Variants in RECQL4 observed in about 807,000 individuals in gnomAD.
RECQL4 encodes the protein ATP-dependent DNA helicase Q4.
Under a neutral mutation model 128.6 loss-of-function variants are expected in RECQL4, and 158 were observed. The observed-to-expected ratio is 1.23, with a 90% CI of 1.08 to 1.40. The LOEUF is 1.40. RECQL4 is among the 40% of genes most tolerant of loss of function. The pLI, the probability that RECQL4 is intolerant of heterozygous loss-of-function variation, is 0.00. For synonymous variants in RECQL4, 996 were observed against 678.9 expected (o/e 1.47, Z -7.26); for missense variants, 2,293 against 1,649.8 (o/e 1.39, Z -6.75).
rs1827182243 is a variant in RECQL4, at chr8:144,511,494, C to T, written c.3564G>A (p.Leu1188=). The stretch of plus-strand genomic sequence containing the variant: ...CCACCAGGGCATGGAAGCTCAGGTG[C>T]AGGTATTTTCTCCAGAAGCGTCGGT... ...GQDRRFWRKY[L]HLSFHALVGL... is the part of the protein sequence containing the mutation. The change falls in exon 21 of 21, where the codon CTG becomes CTA. Residue 1188 remains leucine, a synonymous_variant. Transcript: ENST00000617875. The T allele has an allele frequency of 1.2e-6, 2 of 1,612,602 alleles. No individual in the cohort carries two copies.
At chr8:144,513,758 C>A in intron 12 of RECQL4, 46 bp from the exon 13 acceptor site, 1 of 1,268,068 alleles carries the variant, frequency 7.9e-7, no homozygotes, top group South Asian at 1.5e-5. Context: ...GAGGAGGGGT[C>A]GGCGTGTGCA....
rs759011490 is a variant in RECQL4, at chr8:144,517,513, G to T, written c.119-5C>A. 1.2e-5 allele frequency: 19 copies of T among 1,585,232 alleles called. No individual in the cohort carries two copies. The highest frequency in any genetic ancestry group is 1.5e-5 in the Non-Finnish European group (17 of 1,171,956). On this transcript the variant is annotated splice_region_variant and splice_polypyrimidine_tract_variant and intron_variant, in intron 2 of 20. Transcript: ENST00000617875. ...TGCGGTATTCCCGGTAGAGCGCTGCGTGGGCGAGCGGGAGGCGGGGTCAGG... is the reference window on the plus strand; with the variant it reads ...TGCGGTATTCCCGGTAGAGCGCTGCTTGGGCGAGCGGGAGGCGGGGTCAGG...
rs2130745290 is a variant in RECQL4, at chr8:144,517,712, G to A, written c.73C>T (p.Arg25Ter). Residue 25 changes from arginine to a stop codon, truncating the protein, a stop_gained, in exon 1 of 21, where the codon CGA becomes TGA. Coordinates refer to ENST00000617875, the MANE Select transcript of RECQL4 (RefSeq NM_004260.4). LOFTEE classifies it high-confidence loss of function. Reference protein sequence around the residue: ...ERAFRRQRGRRPSQDDVEAAP... With the variant: ...ERAFRRQRGR ...TGGGCAGCCCGCACCTGGCTCGGTC[G>A]CCGCCCGCGCTGCCGTCGGAACGCG... 7.3e-7 allele frequency: 1 copy of A among 1,363,034 alleles called. No individual in the cohort carries two copies. The highest frequency in any genetic ancestry group is 9.5e-7 in the Non-Finnish European group (1 of 1,057,878). The allele number at this position is 1,363,034 out of a possible 1,614,324, so 84.4% of individuals were successfully genotyped here. A position where few individuals can be genotyped will look rare whatever the true frequency, so the allele number is the denominator to read the frequency against.
Position 144,516,485 on chromosome 8 carries a change from G to C in RECQL4, c.634C>G (p.Leu212Val), listed in dbSNP as rs377012693. 8.1e-6 allele frequency: 13 copies of C among 1,608,920 alleles called. No homozygotes were observed. The highest frequency in any genetic ancestry group is 1.0e-5 in the Non-Finnish European group (12 of 1,179,748). The change falls in exon 5 of 21, where the codon CTA (leucine) becomes GTA (valine). Residue 212 changes from leucine (L) to valine (V), a missense_variant. Coordinates refer to ENST00000617875, the MANE Select transcript of RECQL4 (RefSeq NM_004260.4). ...AGAAGTTGTGATTCCTCTGAGCCTAGATCAGGCCTGCAGGCTTTGGGGGCC... is the reference window on the plus strand; with the variant it reads ...AGAAGTTGTGATTCCTCTGAGCCTACATCAGGCCTGCAGGCTTTGGGGGCC... ...LGAPKACRPD[L>V]GSEESQLLIP...
intron 11 of RECQL4, 34 bp downstream of exon 11, chr8:144,514,155 C>T: frequency 6.2e-7 from 1 of 1,611,556 alleles, no homozygotes; most frequent in Non-Finnish European, 8.5e-7. Flanking sequence ...CCATCCCGGC[C>T]CTGGCCGCCC....
chr8:144,517,543 G>A (rs1160979314), intron 2 of RECQL4, 35 bp from the exon 3 acceptor site: 2 of 1,537,464 alleles, frequency 1.3e-6, no homozygotes, highest in Non-Finnish European at 1.7e-6. Flanking sequence ...GTCAGGGTGG[G>A]GCCTGGGCCC....
In RECQL4 at chr8:144,514,512, GGCAGGCCAGACACCT is replaced by G; in HGVS notation, c.1621-2_1633del. Reference sequence around the variant, plus strand: ...TATGCAGGCCGCCTTGAGACACGGTGGCAGGCCAGACACCTGCAAATGCAGGAGCGACAGCCGTCA... The same window carrying G: ...TATGCAGGCCGCCTTGAGACACGGTGGCAAATGCAGGAGCGACAGCCGTCA... On this transcript the variant is annotated splice_acceptor_variant and coding_sequence_variant, in exon 10 of 21. Coordinates refer to ENST00000617875, the MANE Select transcript of RECQL4 (RefSeq NM_004260.4). LOFTEE classifies it high-confidence loss of function. 6.2e-7 allele frequency: 1 copy of G among 1,611,610 alleles called. No individual in the cohort carries two copies. The highest frequency in any genetic ancestry group is 8.5e-7 in the Non-Finnish European group (1 of 1,179,418).
Position 144,513,415 on chromosome 8 carries a change from C to G in RECQL4, c.2266G>C (p.Val756Leu), listed in dbSNP as rs1319987748. The change falls in exon 14 of 21, where the codon GTA (valine) becomes CTA (leucine). Residue 756 changes from valine (V) to leucine (L), a missense_variant. Physicochemically the swap from Val to Leu is conservative, Grantham distance 32. Transcript: ENST00000617875. ...AGMCSRERRR[V>L]QRAFMQGQLR... ...TGGCCCTGCATGAAGGCTCGCTGTACCCGCCGCCGTTCCCGGCTGCACATG... is the reference window on the plus strand; with the variant it reads ...TGGCCCTGCATGAAGGCTCGCTGTAGCCGCCGCCGTTCCCGGCTGCACATG... The G allele has an allele frequency of 6.2e-7, 1 of 1,609,218 alleles. No individual in the cohort carries two copies. Among genetic ancestry groups the G allele is most frequent in the Non-Finnish European group, 8.5e-7 (1 of 1,179,754 alleles).
At chr8:144,517,659 C>T in intron 1 of RECQL4, 24 bp from the exon 2 acceptor site, 1 of 1,471,196 alleles carries the variant, frequency 6.8e-7, no homozygotes, top group South Asian at 1.3e-5. Flanking sequence ...GCGTCAGCCG[C>T]GGGCCGCGCC....
chr8:144,514,148 T>TCCCGGCCCTGGCCGCCCAC, intron 11 of RECQL4, 41 bp from the exon 12 acceptor site: 2 of 1,610,940 alleles, frequency 1.2e-6, no homozygotes, highest in Non-Finnish European at 1.7e-6. Context: ...GCCCAGCCCA[T>TCCCGGCCCTGGCCGCCCAC]CCCGGCCCTG....
rs542844885 is a variant in RECQL4 at position 144,516,727 on chromosome 8, C to G, written c.392G>C (p.Gly131Ala). The change falls in exon 5 of 21, where the codon GGA (glycine) becomes GCA (alanine). Residue 131 changes from glycine (G) to alanine (A), a missense_variant. Gly to Ala is a moderately conservative substitution (Grantham distance 60). Coordinates refer to ENST00000617875, the MANE Select transcript of RECQL4 (RefSeq NM_004260.4). ...GGTGGATGCCTTAGATGAGGCTCTT[C>G]CTAGAGGCCACGGTCTGCGGCCCAG... ...PALGRRPWPL[G>A]RASSKASTPK... The G allele has an allele frequency of 6.5e-7, 1 of 1,535,250 alleles. No homozygotes were observed. The highest frequency in any genetic ancestry group is 8.7e-7 in the Non-Finnish European group (1 of 1,144,342).
chr8:144,514,857 G>T (rs1280014787), intron 9 of RECQL4, 79 bp downstream of exon 9: 1 of 1,533,032 alleles, frequency 6.5e-7, no homozygotes, highest in Non-Finnish European at 8.9e-7. Flanking sequence ...GTGGTTAGGG[G>T]ACAAGCAGCA....
rs1827421506 is a variant in RECQL4, at chr8:144,512,406, T to G, written c.3041A>C (p.His1014Pro). 6.2e-7 allele frequency: 1 copy of G among 1,607,336 alleles called. No homozygotes were observed. Among genetic ancestry groups the G allele is most frequent in the East Asian group, 2.2e-5 (1 of 44,748 alleles). Reference sequence around the variant, plus strand: ...GAGAGGCGCACCTGTCCTGGGCTCGTGGTCCCACTGCAGCTGGCAGAGAGC... The same window carrying G: ...GAGAGGCGCACCTGTCCTGGGCTCGGGGTCCCACTGCAGCTGGCAGAGAGC... ...RRALCQLQWD[H>P]EPRTGVRRGT... Residue 1014 changes from histidine to proline, a missense_variant, in exon 17 of 21, where the codon CAC becomes CCC. His to Pro is a moderately conservative substitution (Grantham distance 77, BLOSUM62 -2). Transcript: ENST00000617875.
Position 144,512,997 on chromosome 8 carries a change from C to A in RECQL4, c.2605G>T (p.Gly869Cys). 6.4e-7 allele frequency: 1 copy of A among 1,570,414 alleles called. No homozygotes were observed. The highest frequency in any genetic ancestry group is 2.4e-5 in the East Asian group (1 of 42,310). ...RPPSEQEGAVGGERPVPKYPP... is the reference protein window; with the variant it reads ...RPPSEQEGAVCGERPVPKYPP... ...TACTTGGGCACAGGCCTCTCCCCAC[C>A]CACGGCCCCTTCCTGCTCCGAGGGC... Residue 869 changes from glycine (G) to cysteine (C), a missense_variant, in exon 15 of 21, where the codon GGT (glycine) becomes TGT (cysteine). Gly to Cys is a radical substitution (Grantham distance 159). Coordinates refer to ENST00000617875, the MANE Select transcript of RECQL4 (RefSeq NM_004260.4).
rs200763671 is a variant in RECQL4, at chr8:144,515,369, G to A, written c.1347C>T (p.Thr449=). 1.2e-5 allele frequency: 20 copies of A among 1,612,620 alleles called. No individual in the cohort carries two copies. Among genetic ancestry groups the A allele is most frequent in the East Asian group, 6.7e-5 (3 of 44,896 alleles). Residue 449 remains threonine (T), a synonymous_variant, in exon 7 of 21, where the codon ACC becomes ACT. Coordinates refer to ENST00000617875, the MANE Select transcript of RECQL4 (RefSeq NM_004260.4). The part of the protein sequence containing the change: ...PVPEVPSLDP[T]VLPLYSLGPS... The stretch of plus-strand genomic sequence containing the variant: ...GCCCCAGGGAGTAGAGTGGCAGCAC[G>A]GTGGGGTCCAGGCTGGGCACCTCAG...
At chr8:144,513,903 G>A (rs1417838540) in intron 12 of RECQL4, 25 bp downstream of exon 12, 54 of 1,546,510 alleles carry the variant, frequency 3.5e-5, no homozygotes, top group Non-Finnish European at 4.5e-5. Flanking sequence ...GGGCCCTGCA[G>A]GGTCCCCAGA....
At position 144,515,038 on chromosome 8, in the gene RECQL4, G is replaced by T. The variant is rs757280460; in HGVS notation, c.1518C>A (p.Ala506=). 1.6e-5 allele frequency: 25 copies of T among 1,609,542 alleles called. No individual in the cohort carries two copies. The highest frequency in any genetic ancestry group is 2.1e-5 in the Non-Finnish European group (25 of 1,178,712). The part of the protein sequence containing the change: ...ISTLLVLPTG[A]GKSLCYQLPA... ...GGAGCTGGTAGCACAGGGACTTGCC[G>T]GCACCTGTAGGCAGCACCAGCAGCG... is the stretch of plus-strand genomic sequence containing the variant. The change falls in exon 9 of 21, where the codon GCC becomes GCA. Residue 506 remains alanine, a synonymous_variant. Coordinates refer to ENST00000617875, the MANE Select transcript of RECQL4 (RefSeq NM_004260.4).
chr8:144,516,789 A>T, intron 4 of RECQL4, 25 bp from the exon 5 acceptor site: 1 of 1,514,382 alleles, frequency 6.6e-7, no homozygotes, highest in Non-Finnish European at 8.8e-7. Flanking sequence ...ACAGAACAGC[A>T]GGAGGAACTC....
chr8:144,515,771 G>A lies in RECQL4; in HGVS notation c.1251C>T (p.Pro417=), dbSNP rs1060504213. The part of the protein sequence containing the change: ...EQFDHWAAQC[P]RPASEEDTDA... ...CCAGGGCAGATGTCTCACCTGGCCGGGGACACTGGGCTGCCCAGTGATCGA... is the reference window on the plus strand; with the variant it reads ...CCAGGGCAGATGTCTCACCTGGCCGAGGACACTGGGCTGCCCAGTGATCGA... Residue 417 remains proline (P), a synonymous_variant, in exon 6 of 21, where the codon CCC becomes CCT. Transcript: ENST00000617875. 3 of 1,612,254 alleles carry A rather than the reference G, an allele frequency of 1.9e-6. No homozygotes were observed. Among genetic ancestry groups the A allele is most frequent in the Admixed American group, 3.3e-5 (2 of 59,926 alleles).
Sources: allele counts gnomAD v4.1 joint callset, GRCh38; gene constraint gnomAD v4.1.1; transcripts MANE v1.5; gene names NCBI Gene and HGNC (gene_info 2026-07-23, HGNC 2026-07-21).